Variants in LMF1 observed in about 807,000 individuals in gnomAD.
The protein encoded by LMF1 is transmembrane protein 112.
Under a neutral mutation model 60.6 loss-of-function variants are expected in LMF1, and 68 were observed. The ratio of observed to expected loss-of-function variants is 1.12; its 90% CI spans 0.92 to 1.37. The LOEUF is 1.37. Among genes scored for constraint, LMF1 ranks in the 40% most tolerant of loss-of-function variants. LMF1 has a pLI of 0.00. For synonymous variants in LMF1, 418 were observed against 324.7 expected (o/e 1.29, Z -3.09); for missense variants, 948 against 767.2 (o/e 1.24, Z -2.78).
chr16:950,110 G>A (rs1203512961), intron 2 of LMF1, among the ~76,000 whole-genome samples: 1 of 100,636 alleles, frequency 9.9e-6, no homozygotes, highest in Admixed American at 9.8e-5. Flanking sequence ...CAACGACAGA[G>A]TCAGAGACGA....
chr16:910,120 C>A (rs548953669), intron 4 of LMF1, among the ~76,000 whole-genome samples: 2 of 152,356 alleles, frequency 1.3e-5, no homozygotes, highest in South Asian at 4.1e-4. Context: ...GTGAGAGCTG[C>A]GTAGCTCTGG....
In LMF1 at chr16:954,730, G is replaced by A. The variant is rs778473079; in HGVS notation, c.194-64C>T. 1,579 of 1,473,420 alleles carry A rather than the reference G, an allele frequency of 1.1e-3. 1 individual carries two copies. The highest frequency in any genetic ancestry group is 1.3e-3 in the Non-Finnish European group (1,450 of 1,098,912). 91.3% of individuals were successfully genotyped at this position (1,473,420 alleles called of 1,614,324 possible). On this transcript the variant is annotated intron_variant, in intron 1 of 10. Coordinates refer to ENST00000262301, the MANE Select transcript of LMF1 (RefSeq NM_022773.4). ...CAAACCACATGTGGACACCATGGGC[G>A]CAGCTCAGAATGCGGGGCGAGGCAG...
At chr16:948,678 TGACAGAGTCAGCCAAC>T (rs1567296580) in intron 2 of LMF1, among the ~76,000 whole-genome samples, 1 of 73,980 alleles carries the variant, frequency 1.4e-5, no homozygotes, top group Non-Finnish European at 2.5e-5. Flanking sequence ...TCAGAGACAA[TGACAGAGTCAGCCAAC>T]GACAGAATCA....
At chr16:948,665 G>C (rs1263397468) in intron 2 of LMF1, among the ~76,000 whole-genome samples, 1 of 150,776 alleles carries the variant, frequency 6.6e-6, no homozygotes, top group Non-Finnish European at 1.5e-5. Flanking sequence ...GCCAACGACA[G>C]AATCAGAGAC....
chr16:923,700 C>T (rs889821560), intron 3 of LMF1, among the ~76,000 whole-genome samples: 2 of 152,178 alleles, frequency 1.3e-5, no homozygotes, highest in African/African-American at 4.8e-5. Flanking sequence ...ATCTTAGGAT[C>T]CCTGGAATGG....
At chr16:967,882 G>A (rs1028459906) in intron 1 of LMF1, among the ~76,000 whole-genome samples, 1 of 152,222 alleles carries the variant, frequency 6.6e-6, no homozygotes. Flanking sequence ...TCACCAGGAG[G>A]TCAGCACCGG....
chr16:956,428 C>T (rs2072706535), intron 1 of LMF1, among the ~76,000 whole-genome samples: 1 of 152,166 alleles, frequency 6.6e-6, no homozygotes, highest in African/African-American at 2.4e-5. Context: ...AAAAAAGATA[C>T]ACCATTCAAA....
chr16:969,315 G>GA (rs1490580772), intron 1 of LMF1, among the ~76,000 whole-genome samples: 1 of 151,700 alleles, frequency 6.6e-6, no homozygotes, highest in Non-Finnish European at 1.5e-5. Context: ...ACTCCGTCTC[G>GA]AAAAAAATAA....
At chr16:913,190 G>A (rs1032985129) in intron 3 of LMF1, among the ~76,000 whole-genome samples, 17 of 152,216 alleles carry the variant, frequency 1.1e-4, no homozygotes, top group Admixed American at 3.3e-4. Context: ...CTCCGGGAGG[G>A]CCCCTGCTCC....
chr16:858,870 G>C (rs2069311978), intron 10 of LMF1, among the ~76,000 whole-genome samples: 4 of 96,254 alleles, frequency 4.2e-5, no homozygotes, highest in African/African-American at 2.0e-4. Flanking sequence ...ACGGGTGTGA[G>C]TGGTGTCTCG....
chr16:968,096 AC>A (rs1400438907), intron 1 of LMF1, among the ~76,000 whole-genome samples: 1 of 152,128 alleles, frequency 6.6e-6, no homozygotes, highest in African/African-American at 2.4e-5. Flanking sequence ...CAGTGAGCAC[AC>A]CCCTAGCACC....
chr16:870,765 G>C lies in LMF1; in HGVS notation c.1196C>G (p.Ser399Cys), dbSNP rs768136643. 3.1e-6 allele frequency: 5 copies of C among 1,612,976 alleles called. No homozygotes were observed. The South Asian group carries it at 3.3e-5, about 11-fold the overall frequency. The change falls in exon 8 of 11, where the codon TCT becomes TGT. Residue 399 changes from serine to cysteine, a missense_variant. Physicochemically the swap from Ser to Cys is moderately radical, Grantham distance 112. Transcript: ENST00000262301. ...SRQVMNTHFN[S>C]LHIVNTYGAF... is the part of the protein sequence containing the mutation. ...CCCGTAAGTGTTGACGATGTGAAGA[G>C]AGTTGAAGTGGGTGTTCATGACCTG...
intron 1 of LMF1, among the ~76,000 whole-genome samples, chr16:963,562 C>T (rs1015842320): frequency 6.6e-6 from 1 of 152,044 alleles, no homozygotes. Flanking sequence ...GGCATGTATG[C>T]AGGTGGGAGA....
intron 6 of LMF1, chr16:872,281 G>A (rs944053113): frequency 6.6e-6 from 1 of 152,208 alleles, no homozygotes; most frequent in Non-Finnish European, 1.5e-5. Flanking sequence ...ATGCATCAAA[G>A]CCCAGCCTTT....
chr16:970,613 G>T (rs2073022386), intron 1 of LMF1, among the ~76,000 whole-genome samples, 175 bp downstream of exon 1: 1 of 152,166 alleles, frequency 6.6e-6, no homozygotes, highest in Non-Finnish European at 1.5e-5. Context: ...GTGCGCTGTC[G>T]CCAGCAAGCC....
chr16:922,209 G>A (rs117796164), intron 3 of LMF1, among the ~76,000 whole-genome samples: 7,510 of 152,282 alleles, frequency 0.049, 213 homozygotes, highest in Non-Finnish European at 0.066. Context: ...CAACCACCCA[G>A]GGGCTTTCTC....
At chr16:947,545 CG>C in intron 2 of LMF1, 1 of 456,096 alleles carries the variant, frequency 2.2e-6, no homozygotes, top group Non-Finnish European at 4.4e-6. Flanking sequence ...AGCCACCATC[CG>C]TCCTGCCCAG....
intron 2 of LMF1, chr16:952,468 C>A (rs1218135583): frequency 4.6e-5 from 7 of 151,892 alleles, no homozygotes; most frequent in Admixed American, 2.6e-4. Context: ...TTCAGGCTCC[C>A]GGAAGTGCAC....
intron 3 of LMF1, among the ~76,000 whole-genome samples, chr16:918,881 G>A (rs2071353566): frequency 1.3e-5 from 2 of 152,284 alleles, no homozygotes; most frequent in African/African-American, 4.8e-5. Context: ...GTGCCCTGGG[G>A]TGCACCCTGA....
Sources: allele counts gnomAD v4.1 joint callset (sites outside exome capture counted in the v4.1 genomes callset), GRCh38; gene constraint gnomAD v4.1.1; transcripts MANE v1.5; gene names NCBI Gene and HGNC (gene_info 2026-07-23, HGNC 2026-07-21).